SV2C: variants seen among roughly 807,000 people sequenced by gnomAD.
SV2C encodes the protein synaptic vesicle glycoprotein 2C, also known as solute carrier family 22 member B3.
A neutral mutation model predicts 79.7 loss-of-function variants in SV2C; 49 were observed. The observed-to-expected ratio is 0.61, with a 90% CI of 0.49 to 0.78. The LOEUF is 0.78. Among genes scored for constraint, SV2C ranks in the 30% least tolerant of loss-of-function variants. SV2C has a pLI of 0.00. For missense variants in SV2C, 833 were observed against 912.9 expected (o/e 0.91, Z 1.13); for synonymous variants, 334 against 333.2 (o/e 1.00, Z -0.03).
intron 12 of SV2C, among the ~76,000 whole-genome samples, chr5:76,318,401 G>C: frequency 6.6e-6 from 1 of 151,956 alleles, no homozygotes; most frequent in Non-Finnish European, 1.5e-5. Flanking sequence ...CTGGGCAATA[G>C]AGTGAGACTC....
At chr5:76,246,714 T>C (rs1745957647) in intron 4 of SV2C, among the ~76,000 whole-genome samples, 2 of 152,156 alleles carry the variant, frequency 1.3e-5, no homozygotes, top group South Asian at 2.1e-4. Flanking sequence ...GGAAAAATTA[T>C]GCCCAGCAAA....
chr5:75,923,852 A>C, the SV2C span, among the ~76,000 whole-genome samples: 1 of 152,194 alleles, frequency 6.6e-6, no homozygotes, highest in African/African-American at 2.4e-5. Flanking sequence ...CAGTATGGAG[A>C]GTCCTTAAAG....
chr5:76,049,024 A>AAAGAAAGAAGGAG, the SV2C span, among the ~76,000 whole-genome samples: 1 of 120,520 alleles, frequency 8.3e-6, no homozygotes, highest in Non-Finnish European at 1.7e-5. Flanking sequence ...AGAAAGAAAG[A>AAAGAAAGAAGGAG]AAAAGAAAAG....
chr5:76,127,161 G>A (rs768222608), intron 1 of SV2C, among the ~76,000 whole-genome samples: 28 of 152,210 alleles, frequency 1.8e-4, no homozygotes, highest in Non-Finnish European at 3.4e-4. Context: ...TGGTGGTGAT[G>A]AGGAGTAAAG....
At chr5:75,900,800 C>A in the SV2C span, among the ~76,000 whole-genome samples, 21 of 152,196 alleles carry the variant, frequency 1.4e-4, no homozygotes, top group South Asian at 4.4e-3. Context: ...ATTCTTTTTT[C>A]TCTAAACTTC....
At chr5:75,866,821 G>C in the SV2C span, among the ~76,000 whole-genome samples, 1 of 152,310 alleles carries the variant, frequency 6.6e-6, no homozygotes, top group East Asian at 1.9e-4. Flanking sequence ...GAGGGGCTTA[G>C]AGTGAACTTG....
intron 4 of SV2C, among the ~76,000 whole-genome samples, chr5:76,249,782 CTG>C (rs1244799319): frequency 1.3e-5 from 2 of 152,074 alleles, no homozygotes; most frequent in African/African-American, 2.4e-5. Flanking sequence ...ATGCGCATGG[CTG>C]TGTTTTTGTG....
At chr5:76,293,588 T>G (rs1447578028) in intron 8 of SV2C, among the ~76,000 whole-genome samples, 1 of 152,174 alleles carries the variant, frequency 6.6e-6, no homozygotes, top group Non-Finnish European at 1.5e-5. Flanking sequence ...GCCCCATGTA[T>G]GTGACTAGAG....
the SV2C span, among the ~76,000 whole-genome samples, chr5:75,940,743 A>G: frequency 6.6e-6 from 1 of 152,236 alleles, no homozygotes; most frequent in Non-Finnish European, 1.5e-5. Flanking sequence ...CTGTTTCATG[A>G]TGAGAAAACA....
chr5:76,315,040 G>A (rs1412826932), intron 12 of SV2C, among the ~76,000 whole-genome samples: 1 of 152,138 alleles, frequency 6.6e-6, no homozygotes, highest in Non-Finnish European at 1.5e-5. Flanking sequence ...TGGTGGAGAT[G>A]GGAGGGAGAT....
intron 10 of SV2C, among the ~76,000 whole-genome samples, chr5:76,300,192 T>TA (rs3073535): frequency 1.3e-4 from 20 of 148,810 alleles, no homozygotes; most frequent in East Asian, 2.0e-4. Flanking sequence ...TTATTATTAT[T>TA]TTTGTAGAGA....
chr5:75,895,905 C>G, the SV2C span, among the ~76,000 whole-genome samples: 1 of 151,862 alleles, frequency 6.6e-6, no homozygotes, highest in Non-Finnish European at 1.5e-5. Flanking sequence ...ATTGTAGTAC[C>G]TTTAGGGTTT....
At chr5:76,347,038 CTCAT>C (rs1749558123) in intron 12 of SV2C, among the ~76,000 whole-genome samples, 2 of 152,022 alleles carry the variant, frequency 1.3e-5, no homozygotes, top group African/African-American at 4.8e-5. Flanking sequence ...GGTGAGAACT[CTCAT>C]AAAGAAGTGA....
the SV2C span, among the ~76,000 whole-genome samples, chr5:75,934,319 T>TTTTTTTTTTC: frequency 2.7e-5 from 4 of 146,974 alleles, no homozygotes; most frequent in African/African-American, 1.0e-4. Flanking sequence ...TTTTTTTTTT[T>TTTTTTTTTTC]CACTGTCGCT....
At chr5:75,927,884 A>G in the SV2C span, among the ~76,000 whole-genome samples, 1 of 152,208 alleles carries the variant, frequency 6.6e-6, no homozygotes, top group Non-Finnish European at 1.5e-5. Flanking sequence ...GAGCAAGGGA[A>G]GGAACCCTCT....
At chr5:76,229,612 G>T (rs1047941712) in intron 4 of SV2C, among the ~76,000 whole-genome samples, 1 of 152,234 alleles carries the variant, frequency 6.6e-6, no homozygotes, top group East Asian at 1.9e-4. Context: ...AAGCTAAAGT[G>T]TAGTTAGCCC....
the SV2C span, among the ~76,000 whole-genome samples, chr5:75,917,099 C>T: frequency 6.6e-6 from 1 of 152,250 alleles, no homozygotes; most frequent in African/African-American, 2.4e-5. Flanking sequence ...TCCCTTCCCA[C>T]TCCTCTACGG....
chr5:75,956,699 T>C, the SV2C span, among the ~76,000 whole-genome samples: 1 of 151,708 alleles, frequency 6.6e-6, no homozygotes, highest in East Asian at 1.9e-4. Context: ...AGTCAGGGAG[T>C]AGAATCCTTG....
chr5:75,928,008 G>C, the SV2C span, among the ~76,000 whole-genome samples: 1 of 152,216 alleles, frequency 6.6e-6, no homozygotes, highest in Non-Finnish European at 1.5e-5. Context: ...GCCAGACATA[G>C]TATTGGATTC....
Sources: gnomAD v4.1 joint callset for allele counts (sites outside exome capture counted in the v4.1 genomes callset) on GRCh38, gnomAD v4.1.1 for gene constraint, MANE v1.5 for transcripts, NCBI Gene and HGNC (gene_info 2026-07-23, HGNC 2026-07-21) for gene names.